Variants in UGT2A1 observed in about 807,000 individuals in gnomAD.
UGT2A1 encodes UDP glucuronosyltransferase family 2 member A1 complex locus, also known as UDP-glucuronosyltransferase 2A1.
In UGT2A1, 61 loss-of-function variants were observed where a neutral mutation model predicts 45.4. The observed-to-expected ratio is 1.34, with a 90% confidence interval of 1.09 to 1.66. UGT2A1 has a LOEUF of 1.66. Ranked by LOEUF, UGT2A1 falls within the 40% of genes most tolerant of loss-of-function variation. The pLI, the probability that UGT2A1 is intolerant of heterozygous loss-of-function variation, is 0.00. For synonymous variants in UGT2A1, 229 were observed against 196.2 expected (o/e 1.17, Z -1.40); for missense variants, 649 against 574.3 (o/e 1.13, Z -1.33).
At chr4:69,612,159 T>A (rs951531475) in intron 3 of UGT2A1, among the ~76,000 whole-genome samples, 5 of 152,102 alleles carry the variant, frequency 3.3e-5, no homozygotes, top group African/African-American at 1.2e-4. Flanking sequence ...GAAACAAGAC[T>A]TCATGTATGA....
chr4:69,634,240 A>G (rs890721451), intron 3 of UGT2A1, among the ~76,000 whole-genome samples: 2 of 146,508 alleles, frequency 1.4e-5, no homozygotes, highest in African/African-American at 2.6e-5. Flanking sequence ...GCGAGACTCC[A>G]TCTCAAAAAT....
At chr4:69,635,646 A>C (rs1035507247) in intron 3 of UGT2A1, 45 bp downstream of exon 3, 1 of 206,554 alleles carries the variant, frequency 4.8e-6, no homozygotes, top group Non-Finnish European at 1.0e-5. Flanking sequence ...CCTCGCCAAC[A>C]TGGTGAAACC....
chr4:69,599,287 C>A lies in UGT2A1; in HGVS notation c.955G>T (p.Val319Phe), dbSNP rs147574641. 5.0e-6 allele frequency: 8 copies of A among 1,613,820 alleles called. No homozygotes were observed. The African/African-American group carries it at 1.1e-4, about 22-fold the overall frequency. The part of the protein sequence containing the change: ...PRPYLPNFEF[V>F]GGLHCKPAKP... ...GCAGGTTTGCAGTGCAATCCTCCAA[C>A]AAACTCAAAATTAGGTAAGTATGGA... is the stretch of plus-strand genomic sequence containing the variant. Residue 319 changes from valine (V) to phenylalanine (F), a missense_variant, in exon 4 of 7, where the codon GTT becomes TTT. Coordinates refer to ENST00000286604, the MANE Select transcript of UGT2A1 (RefSeq NM_001252275.3).
In UGT2A1 at chr4:69,647,369, C is replaced by T. The variant is rs544871125; in HGVS notation, c.276G>A (p.Leu92=). 3.1e-6 allele frequency: 5 copies of T among 1,613,248 alleles called. No homozygotes were observed. In the South Asian group the frequency reaches 5.5e-5, roughly 18 times the overall value. The part of the protein sequence containing the change: ...RIEGVIKDFV[L]TWLENRPSPS... ...GAGATGGTCTATTTTCCAGCCATGT[C>T]AAAACGAAGTCCTTAATTACTCCTT... Residue 92 remains leucine, a synonymous_variant, in exon 2 of 7, where the codon TTG becomes TTA. Transcript: ENST00000286604.
In UGT2A1 at chr4:69,619,125, A is replaced by T. The variant is rs1002067741; in HGVS notation, c.847+16566T>A. ...ACAATTTTAATATACAGGCCACCTG[A>T]TGTGCTTCATGCCTACAATCCCAGT... On this transcript the variant is annotated intron_variant, in intron 3 of 6. Coordinates refer to ENST00000286604, the MANE Select transcript of UGT2A1 (RefSeq NM_001252275.3). Among the ~76,000 whole-genome samples, 22 of 151,900 alleles carry T rather than the reference A, an allele frequency of 1.4e-4. 1 individual carries two copies. The highest frequency in any genetic ancestry group is 1.2e-3 in the Admixed American group (18 of 15,202).
intron 2 of UGT2A1, among the ~76,000 whole-genome samples, chr4:69,641,626 T>TTAAAA (rs1722053385): frequency 6.6e-6 from 1 of 151,922 alleles, no homozygotes; most frequent in East Asian, 1.9e-4. Flanking sequence ...AATTTAGATG[T>TTAAAA]ACTTTTAGTT....
chr4:69,605,750 G>A lies in UGT2A1; in HGVS notation c.848-6356C>T, dbSNP rs1351026638. On this transcript the variant is annotated intron_variant, in intron 3 of 6. Coordinates refer to ENST00000286604, the MANE Select transcript of UGT2A1 (RefSeq NM_001252275.3). ...AAATGATAAAGGGGATATCACCACC[G>A]ATCCCACAGAAATACAAAGTACCAT... 2.2e-5 allele frequency among the ~76,000 whole-genome samples: 3 copies of A among 136,294 alleles called. 1 individual carries two copies. Among genetic ancestry groups the A allele is most frequent in the East Asian group, 2.0e-4 (1 of 4,886 alleles). 89.4% of individuals were successfully genotyped at this position (136,294 alleles called of 152,430 possible).
rs1718805953 is a variant in UGT2A1 at position 69,594,627 on chromosome 4, C to T, written c.1154G>A (p.Gly385Glu). The T allele has an allele frequency of 1.2e-6, 2 of 1,613,954 alleles. No individual in the cohort carries two copies. Among genetic ancestry groups the T allele is most frequent in the African/African-American group, 2.7e-5 (2 of 74,890 alleles). The change falls in exon 6 of 7, where the codon GGA becomes GAA. Residue 385 changes from glycine to glutamate, a missense_variant. By Grantham distance (98) the Gly-to-Glu change is moderately conservative. Transcript: ENST00000286604. ...TNGIYEAIYH[G>E]VPMVGVPMFA... is the part of the protein sequence containing the mutation. The stretch of plus-strand genomic sequence containing the variant: ...CATGGGAACTCCCACCATAGGGACT[C>T]CGTGGTAAATAGCTTCGTAGATCCC...
intron 3 of UGT2A1, among the ~76,000 whole-genome samples, chr4:69,629,267 G>A (rs530006324): frequency 1.3e-5 from 2 of 152,112 alleles, no homozygotes; most frequent in South Asian, 2.1e-4. Context: ...TATGAATAGC[G>A]TTCATTCAGG....
chr4:69,646,092 A>T (rs190926078), intron 2 of UGT2A1, among the ~76,000 whole-genome samples: 263 of 151,982 alleles, frequency 1.7e-3, no homozygotes, highest in African/African-American at 6.1e-3. Context: ...AATTCACATA[A>T]TAAATATTCC....
chr4:69,609,904 T>G (rs1049422971), intron 3 of UGT2A1, among the ~76,000 whole-genome samples: 16 of 152,296 alleles, frequency 1.1e-4, no homozygotes, highest in African/African-American at 3.8e-4. Flanking sequence ...AAATACATGA[T>G]TGTATCTCTA....
chr4:69,589,749 C>T, intron 6 of UGT2A1, 98 bp from the exon 7 acceptor site: 3 of 1,473,616 alleles, frequency 2.0e-6, no homozygotes, highest in Non-Finnish European at 2.7e-6. Context: ...AGTTTAAGGC[C>T]ATAGTTACGT....
chr4:69,621,828 G>A (rs1284081605), intron 3 of UGT2A1, among the ~76,000 whole-genome samples: 1 of 151,714 alleles, frequency 6.6e-6, no homozygotes, highest in South Asian at 2.1e-4. Flanking sequence ...GCCATAAAAA[G>A]GAAAGAGAAC....
chr4:69,595,484 C>T (rs1718870488), intron 4 of UGT2A1, among the ~76,000 whole-genome samples: 1 of 152,034 alleles, frequency 6.6e-6, no homozygotes, highest in Admixed American at 6.6e-5. Context: ...CACTTAAAAG[C>T]TTTTGGAAGT....
chr4:69,646,894 C>A, intron 2 of UGT2A1, 36 bp downstream of exon 2: 1 of 1,456,596 alleles, frequency 6.9e-7, no homozygotes, highest in South Asian at 1.4e-5. Context: ...TCTGTTTGTT[C>A]AAATTCAAGT....
intron 3 of UGT2A1, among the ~76,000 whole-genome samples, chr4:69,629,494 T>C (rs2109952796): frequency 6.6e-6 from 1 of 152,138 alleles, no homozygotes; most frequent in African/African-American, 2.4e-5. Flanking sequence ...ATCAATGTGA[T>C]TTACCATGAT....
At chr4:69,633,911 TA>T (rs1259961321) in intron 3 of UGT2A1, among the ~76,000 whole-genome samples, 1 of 152,108 alleles carries the variant, frequency 6.6e-6, no homozygotes, top group Non-Finnish European at 1.5e-5. Flanking sequence ...CAATGAGCTA[TA>T]AAGTTTAGGA....
Position 69,588,636 on chromosome 4 carries a change from T to C in UGT2A1, c.*736A>G, listed in dbSNP as rs1323014760. On this transcript the variant is annotated 3_prime_UTR_variant, in exon 7 of 7. Transcript: ENST00000286604. ...AAATATGATCTGTTCACCTTCAACA[T>C]ATAACATAGAACTTTCTCCTTGAAA... 1 of 152,030 alleles carries C rather than the reference T, an allele frequency of 6.6e-6. No individual in the cohort carries two copies. The highest frequency in any genetic ancestry group is 1.5e-5 in the Non-Finnish European group (1 of 67,978). 9.4% of individuals were successfully genotyped at this position (152,030 alleles called of 1,614,324 possible).
In UGT2A1 at chr4:69,612,815, A is replaced by G. The variant is rs533074784; in HGVS notation, c.848-13421T>C. Reference sequence around the variant, plus strand: ...AGGATATTATGTATTGACATCAGCCATGGCAAAGAACTTTTGGCTAAGTCC... The same window carrying G: ...AGGATATTATGTATTGACATCAGCCGTGGCAAAGAACTTTTGGCTAAGTCC... On this transcript the variant is annotated intron_variant, in intron 3 of 6. Coordinates refer to ENST00000286604, the MANE Select transcript of UGT2A1 (RefSeq NM_001252275.3). 3.9e-5 allele frequency among the ~76,000 whole-genome samples: 6 copies of G among 151,908 alleles called. No individual in the cohort carries two copies. In the South Asian group the frequency reaches 1.2e-3, roughly 32 times the overall value.
Sources: allele counts gnomAD v4.1 joint callset (sites outside exome capture counted in the v4.1 genomes callset), GRCh38; gene constraint gnomAD v4.1.1; transcripts MANE v1.5; gene names NCBI Gene and HGNC (gene_info 2026-07-23, HGNC 2026-07-21).